Variants in MYO5A observed in about 807,000 individuals in gnomAD.
The protein encoded by MYO5A is myosin VA, also known as unconventional myosin-Va.
MYO5A carries 98 observed loss-of-function variants against 249.7 expected under a neutral mutation model. That is an observed-to-expected ratio of 0.39 (90% CI 0.33 to 0.46). MYO5A has a LOEUF of 0.46. Ranked by LOEUF, MYO5A falls within the 20% of genes least tolerant of loss-of-function variation. The pLI is 0.98. For missense variants in MYO5A, 1,696 were observed against 2,308.8 expected, an observed-to-expected ratio of 0.73 and a Z score of 5.44; for synonymous variants, 778 against 810.6, an observed-to-expected ratio of 0.96 and a Z score of 0.68.
chr15:52,512,611 T>C (rs1160062338), intron 1 of MYO5A, among the ~76,000 whole-genome samples: 2 of 152,174 alleles, frequency 1.3e-5, no homozygotes, highest in African/African-American at 4.8e-5. Context: ...AATTTTTCTT[T>C]TGCATTTCAA....
At chr15:52,519,076 G>A (rs190055626) in intron 1 of MYO5A, among the ~76,000 whole-genome samples, 5 of 152,278 alleles carry the variant, frequency 3.3e-5, no homozygotes, top group Admixed American at 2.6e-4. Flanking sequence ...GGAAGGAAGA[G>A]AACAGAAGAC....
rs555654808 is a variant in MYO5A at position 52,372,432 on chromosome 15, G to A, written c.2578-69C>T. The A allele has an allele frequency of 4.8e-5, 76 of 1,581,664 alleles. No individual in the cohort carries two copies. In the African/African-American group the frequency reaches 5.9e-4, roughly 12 times the overall value. ...ACACTCATGATTATCAATCTATGTC[G>A]GGCTGAAAATCCACACATTACCTAG... On this transcript the variant is annotated intron_variant, in intron 20 of 41. Transcript: ENST00000399233.
At chr15:52,315,900 C>A (rs188972461) in intron 40 of MYO5A, among the ~76,000 whole-genome samples, 111 of 151,518 alleles carry the variant, frequency 7.3e-4, no homozygotes, top group Non-Finnish European at 1.2e-3. Flanking sequence ...TTGTATTGGG[C>A]AAAACTGAAA....
At chr15:52,461,100 G>C (rs542540856) in intron 1 of MYO5A, among the ~76,000 whole-genome samples, 1 of 152,010 alleles carries the variant, frequency 6.6e-6, no homozygotes, top group Non-Finnish European at 1.5e-5. Context: ...CTACAGGCAC[G>C]TGCCACCATG....
chr15:52,346,593 G>A (rs1240419092), intron 29 of MYO5A, 132 bp from the exon 30 acceptor site: 2 of 710,122 alleles, frequency 2.8e-6, no homozygotes, highest in Admixed American at 2.0e-5. Context: ...CAAAGCATCA[G>A]CCCCAACCTC....
chr15:52,456,696 A>C (rs1264393226), intron 1 of MYO5A, among the ~76,000 whole-genome samples: 1 of 152,146 alleles, frequency 6.6e-6, no homozygotes, highest in Non-Finnish European at 1.5e-5. Flanking sequence ...TTTTTGAAAA[A>C]AGCACCAAGT....
At chr15:52,493,255 A>G (rs1039886297) in intron 1 of MYO5A, among the ~76,000 whole-genome samples, 3 of 152,234 alleles carry the variant, frequency 2.0e-5, no homozygotes, top group Non-Finnish European at 4.4e-5. Context: ...GAGCATTGCA[A>G]ATGAGATGTA....
intron 38 of MYO5A, 77 bp from the exon 39 acceptor site, chr15:52,319,419 C>T: frequency 6.8e-7 from 1 of 1,472,920 alleles, no homozygotes; most frequent in African/African-American, 1.4e-5. Flanking sequence ...TGTGCACAAA[C>T]ACATGCACAT....
At chr15:52,373,814 T>A (rs1329759967) in intron 20 of MYO5A, among the ~76,000 whole-genome samples, 1 of 152,142 alleles carries the variant, frequency 6.6e-6, no homozygotes, top group Admixed American at 6.5e-5. Flanking sequence ...CTCACGCTTA[T>A]ATAGAAAGAG....
At chr15:52,331,927 C>T in intron 34 of MYO5A, 1 of 892,792 alleles carries the variant, frequency 1.1e-6, no homozygotes, top group Middle Eastern at 5.7e-4. Flanking sequence ...AGTATGAAAG[C>T]CACGGGACTA....
chr15:52,440,130 A>G (rs1431755191), intron 1 of MYO5A, among the ~76,000 whole-genome samples: 1 of 152,268 alleles, frequency 6.6e-6, no homozygotes. Context: ...GGCACGTTCA[A>G]GGGACATGCT....
intron 2 of MYO5A, among the ~76,000 whole-genome samples, chr15:52,430,608 T>C (rs2075506264): frequency 6.6e-6 from 1 of 152,212 alleles, no homozygotes. Flanking sequence ...AATTTTATAA[T>C]GTCTGTTCTT....
intron 12 of MYO5A, 54 bp from the exon 13 acceptor site, chr15:52,389,417 C>G (rs2042112725): frequency 6.5e-7 from 1 of 1,537,854 alleles, no homozygotes; most frequent in Non-Finnish European, 8.9e-7. Flanking sequence ...TGTGATTCCT[C>G]TAAAGCATCA....
At chr15:52,314,539 AC>A (rs1309344539) in intron 40 of MYO5A, among the ~76,000 whole-genome samples, 1 of 152,102 alleles carries the variant, frequency 6.6e-6, no homozygotes, top group African/African-American at 2.4e-5. Flanking sequence ...TGTCCTGAAC[AC>A]CCCCTCTAGC....
rs1308818165 is a variant in MYO5A, at chr15:52,312,138, C to T, written c.*1558G>A. 6.6e-6 allele frequency: 1 copy of T among 152,058 alleles called. No individual in the cohort carries two copies. The highest frequency in any genetic ancestry group is 1.5e-5 in the Non-Finnish European group (1 of 68,012). The allele number at this position is 152,058 out of a possible 1,614,324, so 9.4% of individuals were successfully genotyped here. ...AATCTGGGTCTTAATGAACCAAATC[C>T]TCTGTAAAATTCAACAATCTTCTAT... On this transcript the variant is annotated 3_prime_UTR_variant, in exon 42 of 42. Coordinates refer to ENST00000399233, the MANE Select transcript of MYO5A (RefSeq NM_001382347.1).
In MYO5A at chr15:52,528,813, C is replaced by T. The variant is rs1455284220; in HGVS notation, c.-7G>A. On this transcript the variant is annotated 5_prime_UTR_variant, in exon 1 of 42. Coordinates refer to ENST00000399233, the MANE Select transcript of MYO5A (RefSeq NM_001382347.1). ...AGAGCTCCGACGCAGCCATGGCGGG[C>T]CCCGCGCGCCTACGCCCCCCGCCTG... 4.0e-6 allele frequency: 6 copies of T among 1,487,728 alleles called. No homozygotes were observed. The highest frequency in any genetic ancestry group is 2.2e-5 in the Admixed American group (1 of 44,848). 92.2% of individuals were successfully genotyped at this position (1,487,728 alleles called of 1,614,324 possible).
intron 1 of MYO5A, among the ~76,000 whole-genome samples, chr15:52,527,466 G>C (rs947159515): frequency 1.3e-5 from 2 of 152,126 alleles, no homozygotes; most frequent in African/African-American, 2.4e-5. Flanking sequence ...AAAGAAAGAG[G>C]TCTCAGACAA....
chr15:52,405,624 C>G (rs2042970286), intron 8 of MYO5A, among the ~76,000 whole-genome samples: 1 of 152,172 alleles, frequency 6.6e-6, no homozygotes, highest in African/African-American at 2.4e-5. Context: ...GGCTTGAGAC[C>G]TGGCTCTGCT....
chr15:52,445,697 G>A (rs989365765), intron 1 of MYO5A, among the ~76,000 whole-genome samples: 11 of 152,202 alleles, frequency 7.2e-5, no homozygotes, highest in African/African-American at 2.7e-4. Context: ...GAAGGTCTCA[G>A]ACGGAAATGT....
Sources: allele counts gnomAD v4.1 joint callset (sites outside exome capture counted in the v4.1 genomes callset), GRCh38; gene constraint gnomAD v4.1.1; transcripts MANE v1.5; gene names NCBI Gene and HGNC (gene_info 2026-07-23, HGNC 2026-07-21).